STX11: variants seen among roughly 807,000 people sequenced by gnomAD.
STX11 encodes the protein syntaxin-11.
STX11 carries 21 observed loss-of-function variants against 19.9 expected under a neutral mutation model. The ratio of observed to expected loss-of-function variants is 1.06; its 90% CI spans 0.75 to 1.52. The LOEUF is 1.52. Among genes scored for constraint, STX11 ranks in the 40% most tolerant of loss-of-function variants. The pLI is 0.00. For synonymous variants in STX11, 193 were observed against 174.4 expected, an observed-to-expected ratio of 1.11 and a Z score of -0.84; for missense variants, 438 against 405.9, an observed-to-expected ratio of 1.08 and a Z score of -0.68.
intron 1 of STX11, 71 bp downstream of exon 1, chr6:144,150,774 A>T: frequency 2.9e-4 from 10 of 34,370 alleles, no homozygotes; most frequent in Non-Finnish European, 5.0e-4. Context: ...GAGATCGGGG[A>T]GGGCGGGTCG....
At chr6:144,171,679 T>A (rs1801640474) in intron 1 of STX11, among the ~76,000 whole-genome samples, 1 of 151,954 alleles carries the variant, frequency 6.6e-6, no homozygotes, top group African/African-American at 2.4e-5. Flanking sequence ...AGTCTTTGTG[T>A]GGAAGCTGTG....
intron 1 of STX11, among the ~76,000 whole-genome samples, chr6:144,185,287 C>T (rs1340043296): frequency 6.6e-6 from 1 of 152,196 alleles, no homozygotes; most frequent in Non-Finnish European, 1.5e-5. Context: ...AAATTAATTA[C>T]TTCAACTTGA....
Position 144,150,598 on chromosome 6 carries a change from G to T in STX11, c.-111G>T, listed in dbSNP as rs1800976697. ...CGCAGGAGGCGCCGGGAGCGGAGCC[G>T]CCGGGAGTCGCGCAACAGGTTTCCT... On this transcript the variant is annotated 5_prime_UTR_variant, in exon 1 of 2. Coordinates refer to ENST00000367568, the MANE Select transcript of STX11 (RefSeq NM_003764.4). The T allele has an allele frequency of 3.0e-6, 3 of 985,434 alleles. No homozygotes were observed. The highest frequency in any genetic ancestry group is 3.6e-6 in the Non-Finnish European group (3 of 829,946). The allele number at this position is 985,434 out of a possible 1,614,324, so 61.0% of individuals were successfully genotyped here.
Position 144,186,807 on chromosome 6 carries a change from C to A in STX11, c.180C>A (p.Ala60=). 6.2e-7 allele frequency: 1 copy of A among 1,613,720 alleles called. No individual in the cohort carries two copies. The highest frequency in any genetic ancestry group is 1.1e-5 in the South Asian group (1 of 91,072). The change falls in exon 2 of 2, where the codon GCC becomes GCA. Residue 60 remains alanine (A), a synonymous_variant. Transcript: ENST00000367568. The stretch of plus-strand genomic sequence containing the variant: ...AGGATGAAAACCAGCTGCTGGTGGC[C>A]GACGTGAAGCGGCTGGGAAAGCAGA... ...DIQDENQLLV[A]DVKRLGKQNA...
In STX11 at chr6:144,190,724, A is replaced by G. The variant is rs1468874148; in HGVS notation, c.*3233A>G. ...AAGCAGCTGTTCTGCTCAGCTTGGCAGGTGTTCTTTCCTAATTCTTCCCAA... is the reference window on the plus strand; with the variant it reads ...AAGCAGCTGTTCTGCTCAGCTTGGCGGGTGTTCTTTCCTAATTCTTCCCAA... On this transcript the variant is annotated 3_prime_UTR_variant, in exon 2 of 2. Coordinates refer to ENST00000367568, the MANE Select transcript of STX11 (RefSeq NM_003764.4). Among the ~76,000 whole-genome samples the G allele has an allele frequency of 6.6e-6, 1 of 152,132 alleles. No individual in the cohort carries two copies. The highest frequency in any genetic ancestry group is 1.5e-5 in the Non-Finnish European group (1 of 68,016).
intron 1 of STX11, among the ~76,000 whole-genome samples, 180 bp downstream of exon 1, chr6:144,150,883 AAC>A (rs1162015987): frequency 6.6e-6 from 1 of 152,094 alleles, no homozygotes; most frequent in Non-Finnish European, 1.5e-5. Context: ...CACCTTCGGA[AAC>A]ACAGCATTGG....
rs192974161 is a variant in STX11, at chr6:144,183,571, C to A, written c.-5-3052C>A. Among the ~76,000 whole-genome samples the A allele has an allele frequency of 0.01, 1,540 of 152,068 alleles. 13 individuals carry two copies. Among genetic ancestry groups the A allele is most frequent in the Middle Eastern group, 0.02 (6 of 294 alleles). ...TAAAATAATGAATAGACTTTGTTTG[C>A]AAAATCATTAAGTTGCAAAAACAAA... On this transcript the variant is annotated intron_variant, in intron 1 of 1. Transcript: ENST00000367568. This position sits in a 1 kb window ranked among gnomAD's most constrained non-coding sequence, Gnocchi z 4.6.
intron 1 of STX11, among the ~76,000 whole-genome samples, chr6:144,178,671 C>T (rs1453203637): frequency 2.0e-5 from 3 of 152,182 alleles, no homozygotes; most frequent in African/African-American, 7.2e-5. Context: ...TGCTTTAGAG[C>T]AAAGAGAAAA....
chr6:144,182,655 AT>A lies in STX11; in HGVS notation c.-5-3965del, dbSNP rs368538397. ...TGACTCTTCTTATTGTGATGAGATG[AT>A]TTCCCCCAATAGCTTTTTAATGGCT... is the stretch of plus-strand genomic sequence containing the variant. On this transcript the variant is annotated intron_variant, in intron 1 of 1. Transcript: ENST00000367568. The surrounding 1 kb of genome is among the most constrained non-coding windows in gnomAD (Gnocchi z 4.8). Among the ~76,000 whole-genome samples the A allele has an allele frequency of 1.9e-3, 288 of 152,270 alleles. 3 individuals carry two copies. The highest frequency in any genetic ancestry group is 6.7e-3 in the African/African-American group (279 of 41,542).
the STX11 span, among the ~76,000 whole-genome samples, chr6:144,141,755 T>C: frequency 6.6e-6 from 1 of 152,076 alleles, no homozygotes; most frequent in African/African-American, 2.4e-5. Context: ...AATGGCTCAC[T>C]GCAGCCTCGA....
At chr6:144,150,788 C>CG (rs1034912378) in intron 1 of STX11, 85 bp downstream of exon 1, 1 of 140,630 alleles carries the variant, frequency 7.1e-6, no homozygotes, top group South Asian at 2.6e-4. Context: ...CGGGTCGGGG[C>CG]GGGGGCACTG....
At position 144,152,672 on chromosome 6, in the gene STX11, G is replaced by A. The variant is rs1477790506; in HGVS notation, c.-6+1969G>A. On this transcript the variant is annotated intron_variant, in intron 1 of 1. Transcript: ENST00000367568. This position sits in a 1 kb window ranked among gnomAD's most constrained non-coding sequence, Gnocchi z 4.9. ...TTTTGAGACAGAGTCTCACTCTGTT[G>A]CCCCAGGCTGGAGTGTGGTGGTGCA... 2.0e-5 allele frequency among the ~76,000 whole-genome samples: 3 copies of A among 152,080 alleles called. No homozygotes were observed. Among genetic ancestry groups the A allele is most frequent in the Admixed American group, 1.3e-4 (2 of 15,276 alleles).
chr6:144,167,682 G>A lies in STX11; in HGVS notation c.-6+16979G>A, dbSNP rs1382767481. Among the ~76,000 whole-genome samples, 2 of 152,042 alleles carry A rather than the reference G, an allele frequency of 1.3e-5. No individual in the cohort carries two copies. The highest frequency in any genetic ancestry group is 2.9e-5 in the Non-Finnish European group (2 of 68,002). On this transcript the variant is annotated intron_variant, in intron 1 of 1. Coordinates refer to ENST00000367568, the MANE Select transcript of STX11 (RefSeq NM_003764.4). The surrounding 1 kb of genome is among the most constrained non-coding windows in gnomAD (Gnocchi z 5.0). ...TGCTCAGGTTAAAGTGCAGTGGCAC[G>A]ATCACAGCTCACTGAAGCCTTAACC...
intron 1 of STX11, among the ~76,000 whole-genome samples, chr6:144,157,970 CA>C (rs1352754501): frequency 1.0e-4 from 12 of 118,118 alleles, no homozygotes; most frequent in East Asian, 4.6e-4. Context: ...TATTTCAGTA[CA>C]AAAAAAAAAC....
chr6:144,158,694 T>A (rs936263062), intron 1 of STX11, among the ~76,000 whole-genome samples: 2 of 152,250 alleles, frequency 1.3e-5, no homozygotes, highest in African/African-American at 4.8e-5. Flanking sequence ...CTTAAAACTT[T>A]AATAATTGTC....
chr6:144,187,469 T>C lies in STX11; in HGVS notation c.842T>C (p.Phe281Ser). 2 of 1,612,516 alleles carry C rather than the reference T, an allele frequency of 1.2e-6. No homozygotes were observed. The highest frequency in any genetic ancestry group is 1.7e-6 in the Non-Finnish European group (2 of 1,179,962). Residue 281 changes from phenylalanine to serine, a missense_variant, in exon 2 of 2, where the codon TTC becomes TCC. Transcript: ENST00000367568. The surrounding 1 kb of genome is among the most constrained non-coding windows in gnomAD (Gnocchi z 5.6). ...EKNPCRTLCC[F>S]CCPCLK ...AACCCCTGCCGGACCCTCTGCTGCTTCTGCTGTCCCTGCCTCAAGTAGCAG... is the reference window on the plus strand; with the variant it reads ...AACCCCTGCCGGACCCTCTGCTGCTCCTGCTGTCCCTGCCTCAAGTAGCAG...
At position 144,159,348 on chromosome 6, in the gene STX11, G is replaced by A. The variant is rs376664774; in HGVS notation, c.-6+8645G>A. On this transcript the variant is annotated intron_variant, in intron 1 of 1. Transcript: ENST00000367568. The surrounding 1 kb of genome is among the most constrained non-coding windows in gnomAD (Gnocchi z 4.3). ...TATGGTGAGTACCAGAAAAAGCGAA[G>A]TGAAATTATAGAGCTGGAAACCCAG... Among the ~76,000 whole-genome samples the A allele has an allele frequency of 3.3e-5, 5 of 152,178 alleles. No homozygotes were observed. The highest frequency in any genetic ancestry group is 9.7e-5 in the African/African-American group (4 of 41,430).
Position 144,159,473 on chromosome 6 carries a change from T to C in STX11, c.-6+8770T>C, listed in dbSNP as rs1801275168. On this transcript the variant is annotated intron_variant, in intron 1 of 1. Transcript: ENST00000367568. The surrounding 1 kb of genome is among the most constrained non-coding windows in gnomAD (Gnocchi z 4.3). ...GCTTTGGTTACAAGAGACTACTTTT[T>C]AACAAAGGAAGATCTTTTGGTTGAG... Among the ~76,000 whole-genome samples the C allele has an allele frequency of 6.6e-6, 1 of 152,032 alleles. No homozygotes were observed. The highest frequency in any genetic ancestry group is 1.5e-5 in the Non-Finnish European group (1 of 68,016).
At chr6:144,171,350 T>C (rs544642616) in intron 1 of STX11, among the ~76,000 whole-genome samples, 2 of 152,318 alleles carry the variant, frequency 1.3e-5, no homozygotes, top group African/African-American at 4.8e-5. Context: ...ATTTTTGCTC[T>C]TTTTAGCATG....
Sources: allele counts gnomAD v4.1 joint callset (sites outside exome capture counted in the v4.1 genomes callset), GRCh38; gene constraint gnomAD v4.1.1; non-coding constraint Gnocchi (gnomAD v3.1); transcripts MANE v1.5; gene names NCBI Gene and HGNC (gene_info 2026-07-23, HGNC 2026-07-21).